Variants in FAT3 observed in about 807,000 individuals in gnomAD.
The protein encoded by FAT3 is protocadherin Fat 3.
FAT3 carries 95 observed loss-of-function variants against 310.2 expected under a neutral mutation model. That is an observed-to-expected ratio of 0.31 (90% CI 0.26 to 0.36). The LOEUF is 0.36. Ranked by LOEUF, FAT3 falls within the 10% of genes least tolerant of loss-of-function variation. The probability of loss-of-function intolerance (pLI) is 1.00; values close to 1 mark genes in which losing one functional copy is unlikely to be tolerated. For synonymous variants in FAT3, 2,314 were observed against 2,192.9 expected (o/e 1.06, Z -1.54); for missense variants, 5,408 against 5,715.6 (o/e 0.95, Z 1.74).
chr11:92,648,613 T>G (rs1283148703), intron 3 of FAT3, among the ~76,000 whole-genome samples: 1 of 152,206 alleles, frequency 6.6e-6, no homozygotes, highest in Non-Finnish European at 1.5e-5. Flanking sequence ...GTCATTCGTT[T>G]TCTGCCTCTG....
intron 1 of FAT3, among the ~76,000 whole-genome samples, chr11:92,335,219 A>C (rs1220939054): frequency 6.6e-6 from 1 of 152,032 alleles, no homozygotes; most frequent in African/African-American, 2.4e-5. Flanking sequence ...TGTTAAAAAA[A>C]AAAAAAAAGG....
intron 20 of FAT3, among the ~76,000 whole-genome samples, chr11:92,857,871 T>G (rs1949021739): frequency 6.6e-6 from 1 of 152,200 alleles, no homozygotes; most frequent in Non-Finnish European, 1.5e-5. Flanking sequence ...TGCTCACCTC[T>G]GCATCTTAAG....
At chr11:92,348,328 G>A (rs1025265804) in intron 1 of FAT3, among the ~76,000 whole-genome samples, 6 of 151,982 alleles carry the variant, frequency 3.9e-5, no homozygotes, top group South Asian at 2.1e-4. Context: ...CACCGATTCC[G>A]GTTTTTAAGA....
chr11:92,699,752 C>T lies in FAT3; in HGVS notation c.3669+2307C>T, dbSNP rs151072617. ...AGTAGGACAGCATAGCAATTAACAA[C>T]TTTATAGGGTTGTTGGGAGATTAAA... On this transcript the variant is annotated intron_variant, in intron 4 of 27. Transcript: ENST00000525166. Among the ~76,000 whole-genome samples the T allele has an allele frequency of 4.4e-3, 676 of 152,300 alleles. 4 individuals are homozygous for T. The highest frequency in any genetic ancestry group is 0.016 in the African/African-American group (647 of 41,560).
chr11:92,325,912 G>C (rs534134727), intron 1 of FAT3, among the ~76,000 whole-genome samples: 1 of 152,238 alleles, frequency 6.6e-6, no homozygotes, highest in Non-Finnish European at 1.5e-5. Flanking sequence ...TTACAGGCAT[G>C]AGCCACCATA....
chr11:92,413,201 T>C (rs1367715489), intron 2 of FAT3, among the ~76,000 whole-genome samples: 1 of 152,178 alleles, frequency 6.6e-6, no homozygotes, highest in African/African-American at 2.4e-5. Context: ...CAATTTTTAA[T>C]GTCAACAAAG....
In FAT3 at chr11:92,798,326, T is replaced by C; in HGVS notation, c.5313T>C (p.Phe1771=). The change falls in exon 10 of 28, where the codon TTT becomes TTC. Residue 1771 remains phenylalanine (F), a synonymous_variant. Coordinates refer to ENST00000525166, the MANE Select transcript of FAT3 (RefSeq NM_001367949.2). ...ATGATAATGCCCCAGTTTTTCTCTTTTCTCAATACTCAGGCAGCCTAAGTG... is the reference window on the plus strand; with the variant it reads ...ATGATAATGCCCCAGTTTTTCTCTTCTCTCAATACTCAGGCAGCCTAAGTG... ...DENDNAPVFL[F]SQYSGSLSEA... is the part of the protein sequence containing the mutation. 1.2e-5 allele frequency: 20 copies of C among 1,613,814 alleles called. No individual in the cohort carries two copies. Among genetic ancestry groups the C allele is most frequent in the Non-Finnish European group, 1.7e-5 (20 of 1,179,824 alleles).
chr11:92,858,753 TTTG>T (rs1167513999), intron 20 of FAT3, among the ~76,000 whole-genome samples: 6 of 152,340 alleles, frequency 3.9e-5, no homozygotes, highest in Admixed American at 2.6e-4. Context: ...TGGAAATGGT[TTTG>T]TTTTCTTTGT....
At chr11:92,532,600 A>G (rs1484316537) in intron 3 of FAT3, among the ~76,000 whole-genome samples, 1 of 152,178 alleles carries the variant, frequency 6.6e-6, no homozygotes, top group Non-Finnish European at 1.5e-5. Flanking sequence ...CAAACAGAAT[A>G]CATGTGAATT....
At chr11:92,227,813 A>G (rs1399256015) in intron 1 of FAT3, among the ~76,000 whole-genome samples, 2 of 149,914 alleles carry the variant, frequency 1.3e-5, no homozygotes, top group Non-Finnish European at 3.0e-5. Flanking sequence ...AATAAGGAAC[A>G]GCCAAGGAAA....
chr11:92,603,505 A>G (rs1055522333), intron 3 of FAT3, among the ~76,000 whole-genome samples: 1 of 152,254 alleles, frequency 6.6e-6, no homozygotes, highest in Admixed American at 6.5e-5. Flanking sequence ...GGAATTTCAC[A>G]AGTTCCACAT....
chr11:92,285,702 G>C lies in FAT3; in HGVS notation c.-18+60528G>C, dbSNP rs79108867. 9.5e-4 allele frequency among the ~76,000 whole-genome samples: 145 copies of C among 152,272 alleles called. 2 individuals are homozygous for C. In the East Asian group the frequency reaches 0.011, roughly 12 times the overall value. On this transcript the variant is annotated intron_variant, in intron 1 of 27. Transcript: ENST00000525166. ...AGTTATCTTGGCAGAAGAATCATCTGTCTGGTTCCCTTGCGCATGTCCTGT... is the reference window on the plus strand; with the variant it reads ...AGTTATCTTGGCAGAAGAATCATCTCTCTGGTTCCCTTGCGCATGTCCTGT...
chr11:92,384,854 C>A (rs1045978936), intron 2 of FAT3, among the ~76,000 whole-genome samples: 5 of 152,180 alleles, frequency 3.3e-5, no homozygotes, highest in African/African-American at 1.2e-4. Flanking sequence ...CTAATTAAAG[C>A]AAGCTTATCT....
chr11:92,524,821 C>T lies in FAT3; in HGVS notation c.3480C>T (p.Asn1160=), dbSNP rs1390765769. 3.7e-6 allele frequency: 6 copies of T among 1,613,852 alleles called. No individual in the cohort carries two copies. The South Asian group carries it at 6.6e-5, about 18-fold the overall frequency. The change falls in exon 3 of 28, where the codon AAC becomes AAT. Residue 1160 remains asparagine, a synonymous_variant. Coordinates refer to ENST00000525166, the MANE Select transcript of FAT3 (RefSeq NM_001367949.2). The part of the protein sequence containing the change: ...EPIYYPVVME[N]SPKDVSVIQI... ...TATATTATCCTGTTGTCATGGAAAACTCTCCAAAGGACGTATCTGTCATTC... is the reference window on the plus strand; with the variant it reads ...TATATTATCCTGTTGTCATGGAAAATTCTCCAAAGGACGTATCTGTCATTC...
chr11:92,372,337 T>G (rs891604990), intron 2 of FAT3, among the ~76,000 whole-genome samples: 2 of 151,756 alleles, frequency 1.3e-5, no homozygotes, highest in African/African-American at 4.8e-5. Flanking sequence ...CAGTCGATGT[T>G]TAGGTGTCTG....
intron 1 of FAT3, among the ~76,000 whole-genome samples, chr11:92,283,822 A>C (rs187149960): frequency 4.5e-4 from 68 of 152,210 alleles, no homozygotes; most frequent in Admixed American, 9.8e-4. Context: ...GTGCACCTTG[A>C]GATGCCGCAC....
chr11:92,334,069 A>C (rs950354531), intron 1 of FAT3, among the ~76,000 whole-genome samples: 3 of 152,208 alleles, frequency 2.0e-5, no homozygotes, highest in Non-Finnish European at 4.4e-5. Context: ...ATCATGAAGA[A>C]GGGAGACTAA....
At chr11:92,649,512 C>A (rs1246582616) in intron 3 of FAT3, among the ~76,000 whole-genome samples, 1 of 152,122 alleles carries the variant, frequency 6.6e-6, no homozygotes, top group Non-Finnish European at 1.5e-5. Context: ...CTGTTGAGGA[C>A]TTGTTCCTTA....
intron 3 of FAT3, among the ~76,000 whole-genome samples, chr11:92,663,607 C>G (rs1942861902): frequency 6.6e-6 from 1 of 152,190 alleles, no homozygotes; most frequent in African/African-American, 2.4e-5. Flanking sequence ...GTAGCACATA[C>G]ACCTGCTCAG....
Sources: gnomAD v4.1 joint callset for allele counts (sites outside exome capture counted in the v4.1 genomes callset) on GRCh38, gnomAD v4.1.1 for gene constraint, MANE v1.5 for transcripts, NCBI Gene and HGNC (gene_info 2026-07-23, HGNC 2026-07-21) for gene names.